Variants in NPLOC4 observed in about 807,000 individuals in gnomAD.
NPLOC4 encodes nuclear protein localization protein 4 homolog.
Under a neutral mutation model 80.6 loss-of-function variants are expected in NPLOC4, and 18 were observed. The observed-to-expected ratio is 0.22, with a 90% CI of 0.15 to 0.33. The LOEUF is 0.33. NPLOC4 is among the 10% of genes least tolerant of loss of function. The pLI is 1.00. For synonymous variants in NPLOC4, 313 were observed against 301.5 expected, an observed-to-expected ratio of 1.04 and a Z score of -0.39; for missense variants, 540 against 786.1, an observed-to-expected ratio of 0.69 and a Z score of 3.74.
At chr17:81,582,130 T>C (rs1216878451) in intron 12 of NPLOC4, among the ~76,000 whole-genome samples, 2 of 152,200 alleles carry the variant, frequency 1.3e-5, no homozygotes, top group Non-Finnish European at 2.9e-5. Flanking sequence ...GAAGACTTAC[T>C]TGGGGAACAT....
At chr17:81,559,467 C>T in intron 16 of NPLOC4, 51 bp from the exon 17 acceptor site, 6 of 1,550,564 alleles carry the variant, frequency 3.9e-6, no homozygotes, top group Non-Finnish European at 5.2e-6. Context: ...CCACCAGAGA[C>T]TGCCAGAGTG....
rs747159588 is a variant in NPLOC4, at chr17:81,613,272, T to C, written c.386+46A>G. The stretch of plus-strand genomic sequence containing the variant: ...ATAAATATTTCCCTTTATTCACCCA[T>C]TAAGATCACCACAAGTAGGACCCTG... On this transcript the variant is annotated intron_variant, in intron 4 of 16. Coordinates refer to ENST00000331134, the MANE Select transcript of NPLOC4 (RefSeq NM_017921.4). The C allele has an allele frequency of 1.5e-5, 23 of 1,538,236 alleles. No individual in the cohort carries two copies. In the South Asian group the frequency reaches 1.9e-4, roughly 13 times the overall value.
rs547773949 is a variant in NPLOC4, at chr17:81,604,447, G to A, written c.834+101C>T. ...ACGTGCACCGGTGTGTGACAAAGGG[G>A]GAACAAACAACAAAGCGAACAGGGC... is the stretch of plus-strand genomic sequence containing the variant. On this transcript the variant is annotated intron_variant, in intron 8 of 16. Coordinates refer to ENST00000331134, the MANE Select transcript of NPLOC4 (RefSeq NM_017921.4). 9.1e-5 allele frequency: 97 copies of A among 1,068,644 alleles called. No individual in the cohort carries two copies. The African/African-American group carries it at 1.4e-3, about 16-fold the overall frequency. The allele number at this position is 1,068,644 out of a possible 1,614,324, so 66.2% of individuals were successfully genotyped here.
In NPLOC4 at chr17:81,610,233, A is replaced by C; in HGVS notation, c.412T>G (p.Cys138Gly). The C allele has an allele frequency of 6.3e-7, 1 of 1,575,364 alleles. No homozygotes were observed. Among genetic ancestry groups the C allele is most frequent in the Non-Finnish European group, 8.6e-7 (1 of 1,161,018 alleles). ...QLCRHGPLGK[C>G]VHCVPLEPFD... ...ACCTCTAGAGGGACGCAGTGCACGC[A>C]TTTCCCCAAAGGGCCGTGGCGGCAT... Residue 138 changes from cysteine to glycine, a missense_variant, in exon 5 of 17, where the codon TGC becomes GGC. Cys to Gly is a radical substitution (Grantham distance 159). This residue lies in a region of NPLOC4 where 74 missense variants were observed against 75.7 expected (regional missense o/e 0.98). Transcript: ENST00000331134.
chr17:81,622,143 C>T, intron 3 of NPLOC4, 23 bp downstream of exon 3: 1 of 1,559,046 alleles, frequency 6.4e-7, no homozygotes, highest in Non-Finnish European at 8.8e-7. Flanking sequence ...CCATTCCCTG[C>T]TTCCTCCTCA....
intron 11 of NPLOC4, among the ~76,000 whole-genome samples, chr17:81,595,155 C>T (rs1223719964): frequency 6.6e-6 from 1 of 151,976 alleles, no homozygotes; most frequent in African/African-American, 2.4e-5. Context: ...CTCAACCTCC[C>T]AAAATGCTAT....
At chr17:81,630,069 A>G (rs1350888861) in intron 1 of NPLOC4, among the ~76,000 whole-genome samples, 2 of 151,960 alleles carry the variant, frequency 1.3e-5, no homozygotes, top group Non-Finnish European at 2.9e-5. Context: ...CCTAATCACT[A>G]TTTATAGAGT....
chr17:81,602,972 TACACAAATAC>T (rs1568146416), intron 8 of NPLOC4, among the ~76,000 whole-genome samples: 1 of 102,734 alleles, frequency 9.7e-6, no homozygotes, highest in Non-Finnish European at 1.9e-5. Context: ...CACATATATA[TACACAAATAC>T]ACACACACAC....
chr17:81,615,493 C>A (rs2035456498), intron 3 of NPLOC4, among the ~76,000 whole-genome samples: 1 of 152,150 alleles, frequency 6.6e-6, no homozygotes, highest in Non-Finnish European at 1.5e-5. Context: ...TCAATTTTAA[C>A]AAATATACTC....
chr17:81,589,216 T>C (rs1457603471), intron 11 of NPLOC4, 112 bp from the exon 12 acceptor site: 2 of 962,234 alleles, frequency 2.1e-6, no homozygotes. Context: ...CAAGAGTTTG[T>C]CGGGGGTAAG....
chr17:81,570,345 T>TAC (rs1235878414), intron 13 of NPLOC4, among the ~76,000 whole-genome samples: 1 of 152,164 alleles, frequency 6.6e-6, no homozygotes, highest in Non-Finnish European at 1.5e-5. Flanking sequence ...ATAGTGTTGG[T>TAC]ACACACAGTG....
intron 10 of NPLOC4, among the ~76,000 whole-genome samples, chr17:81,596,502 G>A (rs1568141036): frequency 6.6e-6 from 1 of 152,100 alleles, no homozygotes; most frequent in Non-Finnish European, 1.5e-5. Flanking sequence ...GGAGGAGGAA[G>A]CTGTAGTGAG....
At chr17:81,594,889 C>CTATG (rs929885509) in intron 11 of NPLOC4, among the ~76,000 whole-genome samples, 7 of 151,876 alleles carry the variant, frequency 4.6e-5, no homozygotes, top group African/African-American at 1.5e-4. Flanking sequence ...CACCAGTGAG[C>CTATG]TATGACTGCA....
intron 1 of NPLOC4, chr17:81,636,573 T>C (rs1443754691): frequency 2.2e-5 from 5 of 229,918 alleles, no homozygotes; most frequent in Admixed American, 5.8e-5. Context: ...TGGGAGTCCC[T>C]GGAATTAGAC....
At chr17:81,622,083 G>T in intron 3 of NPLOC4, 83 bp downstream of exon 3, 1 of 902,560 alleles carries the variant, frequency 1.1e-6, no homozygotes, top group South Asian at 1.3e-5. Flanking sequence ...GATGAGGAAA[G>T]AGGATAAAAC....
intron 4 of NPLOC4, among the ~76,000 whole-genome samples, chr17:81,611,219 C>T (rs1000637691): frequency 6.6e-6 from 1 of 152,072 alleles, no homozygotes; most frequent in Non-Finnish European, 1.5e-5. Context: ...ACCAGGGAGG[C>T]TGAGGCAGGA....
At chr17:81,606,117 C>T (rs2035196636) in intron 7 of NPLOC4, among the ~76,000 whole-genome samples, 2 of 151,976 alleles carry the variant, frequency 1.3e-5, no homozygotes, top group Middle Eastern at 3.4e-3. Flanking sequence ...CCACCTTGCC[C>T]GGCCAAAATA....
In NPLOC4 at chr17:81,580,321, G is replaced by A. The variant is rs190044522; in HGVS notation, c.1282-8233C>T. Among the ~76,000 whole-genome samples the A allele has an allele frequency of 4.7e-4, 72 of 152,104 alleles. No homozygotes were observed. Among genetic ancestry groups the A allele is most frequent in the Admixed American group, 3.9e-3 (59 of 15,270 alleles). On this transcript the variant is annotated intron_variant, in intron 12 of 16. Coordinates refer to ENST00000331134, the MANE Select transcript of NPLOC4 (RefSeq NM_017921.4). This position sits in a 1 kb window ranked among gnomAD's most constrained non-coding sequence, Gnocchi z 4.4. Reference sequence around the variant, plus strand: ...CTGGAGTCTGCCTGCCTCTTCTCTCGATCACACCACACACTCAACCCCCTC... The same window carrying A: ...CTGGAGTCTGCCTGCCTCTTCTCTCAATCACACCACACACTCAACCCCCTC...
intron 16 of NPLOC4, chr17:81,565,231 C>A: frequency 3.1e-6 from 2 of 654,504 alleles, no homozygotes. Context: ...CCTAGGATGC[C>A]TGGAGATTAG....
Sources: allele counts gnomAD v4.1 joint callset (sites outside exome capture counted in the v4.1 genomes callset), GRCh38; gene constraint gnomAD v4.1.1; regional missense constraint gnomAD v4.1.1; non-coding constraint Gnocchi (gnomAD v3.1); transcripts MANE v1.5; gene names NCBI Gene and HGNC (gene_info 2026-07-23, HGNC 2026-07-21).